FGF12: variants seen among roughly 807,000 people sequenced by gnomAD.
The protein encoded by FGF12 is fibroblast growth factor 12B.
Under a neutral mutation model 23.6 loss-of-function variants are expected in FGF12, and 14 were observed. That is an observed-to-expected ratio of 0.59 (90% CI 0.39 to 0.93). The LOEUF (loss-of-function observed/expected upper bound fraction) is 0.93. Ranked by LOEUF, FGF12 falls within the 40% of genes least tolerant of loss-of-function variation. The pLI is 0.00. For synonymous variants in FGF12, 62 were observed against 77.3 expected, an observed-to-expected ratio of 0.80 and a Z score of 1.04; for missense variants, 175 against 217.8, an observed-to-expected ratio of 0.80 and a Z score of 1.24.
rs953643672 is a variant in FGF12, at chr3:192,594,352, C to T, written c.13+132829G>A. ...TATATTTGTTAAAGAAAAAATTTCA[C>T]ATATAAATCTTGATCTCCATTTTCC... is the stretch of plus-strand genomic sequence containing the variant. On this transcript the variant is annotated intron_variant, in intron 2 of 5. Coordinates refer to ENST00000445105, the MANE Select transcript of FGF12 (RefSeq NM_004113.6). 5.3e-5 allele frequency among the ~76,000 whole-genome samples: 8 copies of T among 151,992 alleles called. No homozygotes were observed. The East Asian group carries it at 1.5e-3, about 29-fold the overall frequency.
intron 2 of FGF12, among the ~76,000 whole-genome samples, chr3:192,504,909 T>C (rs532788707): frequency 1.8e-4 from 27 of 152,158 alleles, no homozygotes; most frequent in Admixed American, 6.5e-5. Flanking sequence ...AGCCATCTGT[T>C]TGACAAGTTT....
chr3:192,258,442 G>A (rs1712544076), intron 4 of FGF12, among the ~76,000 whole-genome samples: 1 of 152,116 alleles, frequency 6.6e-6, no homozygotes, highest in Admixed American at 6.6e-5. Flanking sequence ...GGGTGACAGA[G>A]TGAGACCCTT....
chr3:192,262,795 T>C (rs1712840603), intron 4 of FGF12, among the ~76,000 whole-genome samples: 1 of 151,908 alleles, frequency 6.6e-6, no homozygotes, highest in Non-Finnish European at 1.5e-5. Flanking sequence ...ATTTTTTTTT[T>C]CCAATCAAGT....
intron 2 of FGF12, among the ~76,000 whole-genome samples, chr3:192,399,675 T>C (rs1720675509): frequency 6.6e-6 from 1 of 152,236 alleles, no homozygotes; most frequent in African/African-American, 2.4e-5. Context: ...GCATAGACTT[T>C]CTAGGTGTTT....
At position 192,657,420 on chromosome 3, in the gene FGF12, T is replaced by TA. The variant is rs10663419; in HGVS notation, c.13+69760dup. Among the ~76,000 whole-genome samples, 230 of 144,388 alleles carry TA rather than the reference T, an allele frequency of 1.6e-3. 2 individuals carry two copies. Among genetic ancestry groups the TA allele is most frequent in the Admixed American group, 3.8e-3 (55 of 14,606 alleles). The allele number at this position is 144,388 out of a possible 152,430, so 94.7% of individuals were successfully genotyped here. A position where few individuals can be genotyped will look rare whatever the true frequency, so the allele number is the denominator to read the frequency against. On this transcript the variant is annotated intron_variant, in intron 2 of 5. Transcript: ENST00000445105. ...CCTCTTTTTAACTAGAGAGAACTAT[T>TA]AAAAAAAAAAAACAGAGAACTATTA...
chr3:192,691,004 G>A (rs1434610772), intron 2 of FGF12, among the ~76,000 whole-genome samples: 2 of 151,890 alleles, frequency 1.3e-5, no homozygotes, highest in Non-Finnish European at 2.9e-5. Context: ...TAAATATATA[G>A]GTATCCAACA....
At chr3:192,401,462 G>A (rs1033479892) in intron 2 of FGF12, among the ~76,000 whole-genome samples, 3 of 152,128 alleles carry the variant, frequency 2.0e-5, no homozygotes, top group East Asian at 3.9e-4. Flanking sequence ...TATGAAAATC[G>A]TTTTGACCTT....
At position 192,635,719 on chromosome 3, in the gene FGF12, C is replaced by T. The variant is rs138539050; in HGVS notation, c.13+91462G>A. 2.1e-3 allele frequency among the ~76,000 whole-genome samples: 320 copies of T among 152,000 alleles called. 4 individuals are homozygous for T. The highest frequency in any genetic ancestry group is 7.5e-3 in the African/African-American group (310 of 41,446). On this transcript the variant is annotated intron_variant, in intron 2 of 5. Coordinates refer to ENST00000445105, the MANE Select transcript of FGF12 (RefSeq NM_004113.6). ...TTTTTTTCTTTCTGTTCTTTTTTTA[C>T]GTGTGGGGAGGGAGTTTATTGGAAG...
intron 2 of FGF12, among the ~76,000 whole-genome samples, chr3:192,606,169 T>C (rs532223676): frequency 2.4e-4 from 36 of 152,186 alleles, no homozygotes; most frequent in Non-Finnish European, 4.3e-4. Flanking sequence ...GCCACATATA[T>C]GCCATGGAAT....
At chr3:192,496,283 G>A (rs930605879) in intron 2 of FGF12, among the ~76,000 whole-genome samples, 29 of 152,038 alleles carry the variant, frequency 1.9e-4, no homozygotes, top group South Asian at 4.2e-4. Context: ...ATATAATCTC[G>A]GGGGGAGCTT....
chr3:192,626,839 C>A (rs1189660049), intron 2 of FGF12, among the ~76,000 whole-genome samples: 1 of 152,098 alleles, frequency 6.6e-6, no homozygotes, highest in Admixed American at 6.5e-5. Flanking sequence ...AACTCCTGGC[C>A]TCAAGCAATC....
At chr3:192,714,736 T>A (rs1362269801) in intron 2 of FGF12, among the ~76,000 whole-genome samples, 2 of 152,088 alleles carry the variant, frequency 1.3e-5, no homozygotes, top group Admixed American at 6.5e-5. Flanking sequence ...GCCGGGATGG[T>A]CTCGATCTCC....
chr3:192,548,691 C>T (rs1725557241), intron 2 of FGF12, among the ~76,000 whole-genome samples: 2 of 152,024 alleles, frequency 1.3e-5, no homozygotes, highest in South Asian at 4.2e-4. Context: ...ATAATGCCAC[C>T]ATTGTGTTTC....
At chr3:192,347,289 G>T (rs1184767413) in intron 3 of FGF12, among the ~76,000 whole-genome samples, 1 of 152,142 alleles carries the variant, frequency 6.6e-6, no homozygotes, top group Non-Finnish European at 1.5e-5. Context: ...AGTGTGAACA[G>T]CATCACCATC....
At chr3:192,197,734 C>T (rs897425330) in intron 4 of FGF12, among the ~76,000 whole-genome samples, 11 of 151,992 alleles carry the variant, frequency 7.2e-5, no homozygotes, top group African/African-American at 1.9e-4. Flanking sequence ...CACCTGAGGT[C>T]GGGAGTTTGA....
chr3:192,462,816 T>G (rs571647737), intron 2 of FGF12, among the ~76,000 whole-genome samples: 1 of 152,154 alleles, frequency 6.6e-6, no homozygotes, highest in South Asian at 2.1e-4. Context: ...TAATGATATA[T>G]ATTAATTATA....
intron 2 of FGF12, among the ~76,000 whole-genome samples, chr3:192,429,267 G>A (rs56345831): frequency 0.14 from 20,576 of 152,090 alleles, 1,738 homozygotes; most frequent in South Asian, 0.19. Context: ...AAGCACACTG[G>A]CACCACTTAA....
At chr3:192,461,993 GAAA>G (rs796434926) in intron 2 of FGF12, among the ~76,000 whole-genome samples, 1 of 135,474 alleles carries the variant, frequency 7.4e-6, no homozygotes, top group Admixed American at 7.3e-5. Context: ...TCTGTCACAA[GAAA>G]AAAAAAAACA....
At chr3:192,317,865 C>T (rs994296401) in intron 4 of FGF12, among the ~76,000 whole-genome samples, 1 of 152,136 alleles carries the variant, frequency 6.6e-6, no homozygotes, top group East Asian at 1.9e-4. Flanking sequence ...CCTCCAGCTC[C>T]AGGCAGCTTA....
Sources: allele counts gnomAD v4.1 joint callset (sites outside exome capture counted in the v4.1 genomes callset), GRCh38; gene constraint gnomAD v4.1.1; transcripts MANE v1.5; gene names NCBI Gene and HGNC (gene_info 2026-07-23, HGNC 2026-07-21).